Variants in EDIL3 observed in about 807,000 individuals in gnomAD.
The protein encoded by EDIL3 is EGF like and discoidin domains 3.
In EDIL3, 37 loss-of-function variants were observed where a neutral mutation model predicts 67.4. The ratio of observed to expected loss-of-function variants is 0.55; its 90% CI spans 0.42 to 0.72. EDIL3 has a LOEUF of 0.72. Ranked by LOEUF, EDIL3 falls within the 30% of genes least tolerant of loss-of-function variation. The pLI, the probability that EDIL3 is intolerant of heterozygous loss-of-function variation, is 0.00. For synonymous variants in EDIL3, 195 were observed against 196.3 expected (o/e 0.99, Z 0.05); for missense variants, 527 against 586.3 (o/e 0.90, Z 1.04).
chr5:84,123,493 C>A (rs1220786833), intron 5 of EDIL3, among the ~76,000 whole-genome samples: 1 of 151,820 alleles, frequency 6.6e-6, no homozygotes, highest in Non-Finnish European at 1.5e-5. Context: ...TAATGTAGAG[C>A]CAAGGCTCAT....
At chr5:84,205,255 C>T (rs1197331352) in intron 3 of EDIL3, among the ~76,000 whole-genome samples, 1 of 151,814 alleles carries the variant, frequency 6.6e-6, no homozygotes, top group South Asian at 2.1e-4. Context: ...TATATATATA[C>T]CTATATGTTT....
chr5:84,195,254 C>T (rs1743682499), intron 3 of EDIL3, among the ~76,000 whole-genome samples: 1 of 151,868 alleles, frequency 6.6e-6, no homozygotes, highest in South Asian at 2.1e-4. Flanking sequence ...GTAGAGAAGT[C>T]TTTTGTCAAT....
intron 1 of EDIL3, among the ~76,000 whole-genome samples, chr5:84,341,315 C>T (rs878940385): frequency 1.3e-5 from 2 of 152,030 alleles, no homozygotes; most frequent in Non-Finnish European, 2.9e-5. Context: ...ATGTTCTAGA[C>T]TAGGAACAGA....
rs1479970933 is a variant in EDIL3 at position 84,360,672 on chromosome 5, G to A, written c.67+23636C>T. ...AAAATAGACCTAGGAAAATATGAAAGTAGAACCTGGTATACATCCAAGAAA... is the reference window on the plus strand; with the variant it reads ...AAAATAGACCTAGGAAAATATGAAAATAGAACCTGGTATACATCCAAGAAA... On this transcript the variant is annotated intron_variant, in intron 1 of 10. Transcript: ENST00000296591. 4.6e-5 allele frequency among the ~76,000 whole-genome samples: 7 copies of A among 152,056 alleles called. No individual in the cohort carries two copies. The East Asian group carries it at 1.4e-3, about 29-fold the overall frequency.
chr5:84,354,305 C>G (rs1747427172), intron 1 of EDIL3, among the ~76,000 whole-genome samples: 1 of 152,094 alleles, frequency 6.6e-6, no homozygotes, highest in African/African-American at 2.4e-5. Flanking sequence ...GCCAATGAGT[C>G]AGCTAAAAAT....
At chr5:83,995,374 G>C (rs1745221709) in intron 9 of EDIL3, among the ~76,000 whole-genome samples, 2 of 152,058 alleles carry the variant, frequency 1.3e-5, no homozygotes, top group African/African-American at 4.8e-5. Flanking sequence ...TTCCACGAGG[G>C]TCACTTCTGT....
At chr5:84,372,907 T>A (rs1463198411) in intron 1 of EDIL3, among the ~76,000 whole-genome samples, 1 of 152,198 alleles carries the variant, frequency 6.6e-6, no homozygotes, top group East Asian at 1.9e-4. Context: ...TCAAAGAGAA[T>A]AATGCCTGAG....
chr5:84,064,540 C>G (rs551106255), intron 8 of EDIL3, among the ~76,000 whole-genome samples, 160 bp downstream of exon 8: 1 of 152,308 alleles, frequency 6.6e-6, no homozygotes, highest in African/African-American at 2.4e-5. Flanking sequence ...TTATTCTATA[C>G]ATAAACACAC....
chr5:84,312,532 G>A (rs566049423), intron 1 of EDIL3, among the ~76,000 whole-genome samples: 9 of 137,684 alleles, frequency 6.5e-5, no homozygotes, highest in South Asian at 2.4e-4. Flanking sequence ...CCTCCCTCCC[G>A]GACAGGGGTG....
rs533337649 is a variant in EDIL3 at position 84,165,417 on chromosome 5, T to G, written c.355+14976A>C. On this transcript the variant is annotated intron_variant, in intron 4 of 10. Transcript: ENST00000296591. Reference sequence around the variant, plus strand: ...CTGTGTTTTACCTTTTACTTGTGACTACCGTTTCTCAAGGCATCATTTCTC... The same window carrying G: ...CTGTGTTTTACCTTTTACTTGTGACGACCGTTTCTCAAGGCATCATTTCTC... Among the ~76,000 whole-genome samples, 7 of 152,268 alleles carry G rather than the reference T, an allele frequency of 4.6e-5. No individual in the cohort carries two copies. In the South Asian group the frequency reaches 1.4e-3, roughly 32 times the overall value.
chr5:84,222,683 CAT>C (rs370669463), intron 3 of EDIL3, among the ~76,000 whole-genome samples: 52 of 151,922 alleles, frequency 3.4e-4, no homozygotes, highest in African/African-American at 1.0e-3. Context: ...GATATCCTAA[CAT>C]GTGTGAGATG....
intron 1 of EDIL3, among the ~76,000 whole-genome samples, chr5:84,315,391 C>T (rs1746488740): frequency 6.6e-6 from 1 of 152,190 alleles, no homozygotes. Flanking sequence ...TCAATCATAA[C>T]CAATTAGAGG....
chr5:84,028,540 T>C (rs1167995138), intron 9 of EDIL3, among the ~76,000 whole-genome samples: 2 of 152,086 alleles, frequency 1.3e-5, no homozygotes, highest in African/African-American at 2.4e-5. Context: ...TCTAAGACTA[T>C]TCTGAAAATT....
intron 9 of EDIL3, among the ~76,000 whole-genome samples, chr5:84,011,960 T>C (rs1745524311): frequency 1.3e-5 from 2 of 152,192 alleles, no homozygotes; most frequent in Admixed American, 1.3e-4. Flanking sequence ...GTTTGTTGAC[T>C]GGCACCTTCT....
At chr5:84,241,949 G>T (rs903194715) in intron 2 of EDIL3, among the ~76,000 whole-genome samples, 1 of 151,818 alleles carries the variant, frequency 6.6e-6, no homozygotes, top group African/African-American at 2.4e-5. Flanking sequence ...AGCCGGGCGC[G>T]GTGGCTCACG....
intron 3 of EDIL3, among the ~76,000 whole-genome samples, chr5:84,220,081 T>C (rs1013497715): frequency 6.6e-6 from 1 of 152,142 alleles, no homozygotes; most frequent in Non-Finnish European, 1.5e-5. Context: ...CAATAATTTA[T>C]TGTACATTTA....
At chr5:84,368,930 T>C (rs937612996) in intron 1 of EDIL3, among the ~76,000 whole-genome samples, 51 of 151,926 alleles carry the variant, frequency 3.4e-4, no homozygotes, top group African/African-American at 1.2e-3. Context: ...GATACCATTT[T>C]ACACTAATTA....
intron 9 of EDIL3, among the ~76,000 whole-genome samples, chr5:83,985,228 A>G (rs1408357565): frequency 6.6e-6 from 1 of 152,010 alleles, no homozygotes; most frequent in Admixed American, 6.6e-5. Context: ...AAGTATAATT[A>G]AAACTGCTCA....
intron 3 of EDIL3, among the ~76,000 whole-genome samples, chr5:84,210,867 C>T (rs1016843995): frequency 6.6e-6 from 1 of 152,146 alleles, no homozygotes; most frequent in African/African-American, 2.4e-5. Flanking sequence ...TTCCACCATC[C>T]TTATGAATAT....
Sources: gnomAD v4.1 joint callset for allele counts (sites outside exome capture counted in the v4.1 genomes callset) on GRCh38, gnomAD v4.1.1 for gene constraint, MANE v1.5 for transcripts, NCBI Gene and HGNC (gene_info 2026-07-23, HGNC 2026-07-21) for gene names.